CYRIB: variants seen among roughly 807,000 people sequenced by gnomAD.
CYRIB encodes CYFIP related Rac1 interactor B.
A neutral mutation model predicts 44.2 loss-of-function variants in CYRIB; 8 were observed. The observed-to-expected ratio is 0.18, with a 90% CI of 0.11 to 0.33. The LOEUF is 0.33. Among genes scored for constraint, CYRIB ranks in the 10% least tolerant of loss-of-function variants. CYRIB has a pLI of 1.00. For synonymous variants in CYRIB, 131 were observed against 127.2 expected, an observed-to-expected ratio of 1.03 and a Z score of -0.20; for missense variants, 185 against 382.8, an observed-to-expected ratio of 0.48 and a Z score of 4.31.
intron 1 of CYRIB, among the ~76,000 whole-genome samples, chr8:129,999,192 G>C (rs577546067): frequency 1.3e-5 from 2 of 152,150 alleles, no homozygotes; most frequent in Admixed American, 6.5e-5. Flanking sequence ...CCCAGCTGCC[G>C]CCAAGTAGGC....
chr8:129,852,383 C>T (rs1208926823), intron 7 of CYRIB, 105 bp from the exon 10 acceptor site: 1 of 551,436 alleles, frequency 1.8e-6, no homozygotes, highest in Non-Finnish European at 3.1e-6. Context: ...ACATTTTAGA[C>T]TCTCATGTAT....
chr8:129,883,504 C>A (rs1218189009), intron 2 of CYRIB, among the ~76,000 whole-genome samples: 1 of 152,152 alleles, frequency 6.6e-6, no homozygotes, highest in African/African-American at 2.4e-5. Flanking sequence ...GCTCTAAAAA[C>A]AGTCCCATTA....
At chr8:129,944,130 A>T (rs114292326), upstream of CYRIB, among the ~76,000 whole-genome samples, 937 of 152,110 alleles carry the variant, frequency 6.2e-3, 9 homozygotes, top group African/African-American at 0.022. Context: ...ACCAAGGGAG[A>T]CACATAATCA....
At chr8:129,961,005 C>T (rs1488576630) in intron 2 of CYRIB, among the ~76,000 whole-genome samples, 1 of 151,546 alleles carries the variant, frequency 6.6e-6, no homozygotes, top group African/African-American at 2.4e-5. Flanking sequence ...TTACCAATCA[C>T]CTCACATTTC....
chr8:130,013,766 A>G (rs1350279023), intron 1 of CYRIB, among the ~76,000 whole-genome samples: 2 of 152,238 alleles, frequency 1.3e-5, no homozygotes, highest in Non-Finnish European at 2.9e-5. Flanking sequence ...CCAGGATTCC[A>G]CATAGGGAGG....
At chr8:130,013,143 T>C (rs563571411) in intron 1 of CYRIB, among the ~76,000 whole-genome samples, 4 of 152,226 alleles carry the variant, frequency 2.6e-5, no homozygotes, top group African/African-American at 4.8e-5. Context: ...TTGTTGATGA[T>C]GATAACAATA....
intron 1 of CYRIB, chr8:129,912,259 G>A (rs2078427680): frequency 6.6e-6 from 1 of 151,890 alleles, no homozygotes; most frequent in Non-Finnish European, 1.5e-5. Flanking sequence ...TCAAATAGTT[G>A]AATTTATACA....
At position 129,951,444 on chromosome 8, in the gene CYRIB, T is replaced by C. The variant is rs540808821; in HGVS notation, c.-243+19499A>G. Among the ~76,000 whole-genome samples, 41 of 152,106 alleles carry C rather than the reference T, an allele frequency of 2.7e-4. No individual in the cohort carries two copies. The East Asian group carries it at 4.7e-3, about 17-fold the overall frequency. On this transcript the variant is annotated intron_variant, in intron 2 of 14. Transcript: ENST00000401979. The stretch of plus-strand genomic sequence containing the variant: ...AGAAACGGCCAGTTGCGGTGGCTCA[T>C]GCCTATAATCCTAACACTTTGGGAG...
chr8:129,963,521 T>C (rs937039892), intron 2 of CYRIB, among the ~76,000 whole-genome samples: 3 of 152,196 alleles, frequency 2.0e-5, no homozygotes, highest in Admixed American at 2.0e-4. Context: ...CAGTGCAATA[T>C]GAGCACAGCA....
At chr8:130,005,754 G>T (rs762868391) in intron 1 of CYRIB, among the ~76,000 whole-genome samples, 24 of 151,550 alleles carry the variant, frequency 1.6e-4, no homozygotes, top group Non-Finnish European at 3.5e-4. Context: ...GAGGCAGGAG[G>T]ATCACTTGAG....
At chr8:129,909,722 CTATTA>C (rs1420694741) in intron 1 of CYRIB, among the ~76,000 whole-genome samples, 4 of 152,132 alleles carry the variant, frequency 2.6e-5, no homozygotes, top group Non-Finnish European at 5.9e-5. Flanking sequence ...CGTTTATGAA[CTATTA>C]TTTTATTACA....
chr8:129,978,240 CT>C (rs1290832965), intron 1 of CYRIB, among the ~76,000 whole-genome samples: 4 of 152,182 alleles, frequency 2.6e-5, no homozygotes, highest in African/African-American at 9.7e-5. Flanking sequence ...ATTGAATTGT[CT>C]ATAGTGTGTT....
At chr8:130,005,071 AT>A (rs2097016709) in intron 1 of CYRIB, among the ~76,000 whole-genome samples, 1 of 151,938 alleles carries the variant, frequency 6.6e-6, no homozygotes, top group Admixed American at 6.6e-5. Flanking sequence ...CTGGCCAGGA[AT>A]TTTTTATTTT....
At chr8:129,960,455 C>T (rs1260798406) in intron 2 of CYRIB, among the ~76,000 whole-genome samples, 2 of 151,752 alleles carry the variant, frequency 1.3e-5, no homozygotes, top group Non-Finnish European at 2.9e-5. Context: ...ATTAGCTGGG[C>T]ATGGTGGCGG....
At chr8:129,850,728 T>G (rs985193646) in intron 9 of CYRIB, 107 bp downstream of exon 11, 8 of 803,800 alleles carry the variant, frequency 1.0e-5, no homozygotes, top group Non-Finnish European at 1.7e-5. Context: ...ATACTTACTT[T>G]CCACCTTCCA....
At chr8:129,939,128 G>C (rs770004349) in intron 1 of CYRIB, among the ~76,000 whole-genome samples, 8 of 151,986 alleles carry the variant, frequency 5.3e-5, no homozygotes, top group Non-Finnish European at 8.8e-5. Context: ...GCTGGGTGTC[G>C]AGGCGAGGCG....
intron 3 of CYRIB, among the ~76,000 whole-genome samples, chr8:129,872,360 T>C (rs1387553307): frequency 1.3e-5 from 2 of 152,148 alleles, no homozygotes; most frequent in Non-Finnish European, 2.9e-5. Context: ...CACAAACATA[T>C]GGGCATTTTC....
chr8:129,874,810 C>CAA (rs1213839760), intron 3 of CYRIB, among the ~76,000 whole-genome samples: 1 of 151,846 alleles, frequency 6.6e-6, no homozygotes, highest in African/African-American at 2.4e-5. Flanking sequence ...TGAAACTATG[C>CAA]AAGAGATAAA....
At chr8:129,870,291 T>C (rs543349008) in intron 4 of CYRIB, among the ~76,000 whole-genome samples, 1 of 152,008 alleles carries the variant, frequency 6.6e-6, no homozygotes, top group Non-Finnish European at 1.5e-5. Flanking sequence ...TGGTGGTGAG[T>C]GCCAGCTACT....
Sources: allele counts gnomAD v4.1 joint callset (sites outside exome capture counted in the v4.1 genomes callset), GRCh38; gene constraint gnomAD v4.1.1; transcripts MANE v1.5; gene names NCBI Gene and HGNC (gene_info 2026-07-23, HGNC 2026-07-21).